The following JMJD7 variants were observed in gnomAD, a reference collection of about 807,000 sequenced individuals.
The protein encoded by JMJD7 is bifunctional peptidase and (3S)-lysyl hydroxylase JMJD7.
In JMJD7, 41 loss-of-function variants were observed where a neutral mutation model predicts 41.1. The observed-to-expected ratio is 1.00, with a 90% CI of 0.78 to 1.30. The LOEUF (loss-of-function observed/expected upper bound fraction) is 1.30. Ranked by LOEUF, JMJD7 falls within the 50% of genes most tolerant of loss-of-function variation. The pLI is 0.00. For missense variants in JMJD7, 480 were observed against 420.7 expected (o/e 1.14, Z -1.23); for synonymous variants, 202 against 177.2 (o/e 1.14, Z -1.11).
intron 1 of JMJD7, among the ~76,000 whole-genome samples, chr15:41,830,080 C>G (rs2065206609): frequency 6.6e-6 from 1 of 152,124 alleles, no homozygotes; most frequent in Non-Finnish European, 1.5e-5. Context: ...GTAGTGAGTC[C>G]CCTGTTCCCT....
chr15:41,832,151 C>T (rs557297474), intron 1 of JMJD7, among the ~76,000 whole-genome samples: 99 of 152,332 alleles, frequency 6.5e-4, no homozygotes, highest in African/African-American at 2.4e-3. Flanking sequence ...CCTGCCCCAC[C>T]GCAGCCCACA....
At chr15:41,829,177 G>A (rs2065189875) in intron 1 of JMJD7, 1 of 152,270 alleles carries the variant, frequency 6.6e-6, no homozygotes, top group Admixed American at 6.5e-5. Flanking sequence ...ACATTGTAGA[G>A]TAGAAGAAGT....
chr15:41,834,619 G>A, intron 1 of JMJD7, 121 bp from the exon 2 acceptor site: 6 of 1,434,256 alleles, frequency 4.2e-6, no homozygotes, highest in Non-Finnish European at 5.6e-6. Context: ...AGGGTCCTTT[G>A]GTCACCAACG....
At position 41,835,555 on chromosome 15, in the gene JMJD7, T is replaced by G. The variant is rs547585463; in HGVS notation, c.473-33T>G. The G allele has an allele frequency of 1.9e-6, 3 of 1,605,862 alleles. No individual in the cohort carries two copies. The African/African-American group carries it at 4.0e-5, about 21-fold the overall frequency. Reference sequence around the variant, plus strand: ...GATGGCAGCTTTCCCCAGCCTGGCCTTCCTAACTTGCTCTCTGCCTTCTGC... The same window carrying G: ...GATGGCAGCTTTCCCCAGCCTGGCCGTCCTAACTTGCTCTCTGCCTTCTGC... On this transcript the variant is annotated intron_variant, in intron 3 of 7. Transcript: ENST00000397299.
At chr15:41,828,501 G>A in intron 1 of JMJD7, 1 of 290,908 alleles carries the variant, frequency 3.4e-6, no homozygotes, top group Non-Finnish European at 6.3e-6. Flanking sequence ...CACAGCTGGT[G>A]GTCGGATTCC....
At chr15:41,828,366 G>C in intron 1 of JMJD7, 178 bp downstream of exon 1, 1 of 715,692 alleles carries the variant, frequency 1.4e-6, no homozygotes, top group Non-Finnish European at 2.0e-6. Context: ...GCGGCTTCCT[G>C]GGTGATTCTG....
Position 41,828,105 on chromosome 15 carries a change from C to G in JMJD7, c.-20C>G, listed in dbSNP as rs886547611. The G allele has an allele frequency of 1.4e-6, 2 of 1,430,632 alleles. No homozygotes were observed. Among genetic ancestry groups the G allele is most frequent in the Non-Finnish European group, 9.1e-7 (1 of 1,095,552 alleles). The allele number at this position is 1,430,632 out of a possible 1,614,324, so 88.6% of individuals were successfully genotyped here. On this transcript the variant is annotated 5_prime_UTR_variant, in exon 1 of 8. Transcript: ENST00000397299. ...GGGGCGTCGGGGAAAGGCGGGGTCTCGGCCGGCGCTGACGCAGCCATGGCG... is the reference window on the plus strand; with the variant it reads ...GGGGCGTCGGGGAAAGGCGGGGTCTGGGCCGGCGCTGACGCAGCCATGGCG...
At chr15:41,828,304 G>A in intron 1 of JMJD7, 116 bp downstream of exon 1, 1 of 1,284,968 alleles carries the variant, frequency 7.8e-7, no homozygotes. Flanking sequence ...GCCCCGCTCG[G>A]GTTGCTCTTC....
At chr15:41,836,708 C>T in intron 6 of JMJD7, 73 bp from the exon 7 acceptor site, 3 of 1,510,196 alleles carry the variant, frequency 2.0e-6, no homozygotes, top group Non-Finnish European at 2.7e-6. Context: ...GTGGTGTTGA[C>T]CTTTGGAAGG....
chr15:41,833,414 A>ATATTTTTTTTTTTT (rs1239528383), intron 1 of JMJD7, among the ~76,000 whole-genome samples: 1 of 32,012 alleles, frequency 3.1e-5, no homozygotes, highest in Non-Finnish European at 6.1e-5. Flanking sequence ...ATATATATAT[A>ATATTTTTTTTTTTT]TTTTTTTTTT....
At position 41,833,728 on chromosome 15, in the gene JMJD7, T is replaced by C. The variant is rs184407732; in HGVS notation, c.65-1012T>C. 2.0e-5 allele frequency among the ~76,000 whole-genome samples: 3 copies of C among 152,118 alleles called. No homozygotes were observed. In the East Asian group the frequency reaches 5.8e-4, roughly 29 times the overall value. On this transcript the variant is annotated intron_variant, in intron 1 of 7. Transcript: ENST00000397299. ...AGCCACCACGTCTAGCCCTAAAATA[T>C]ATAGCATGTCAGATGGTGATGAATG... is the stretch of plus-strand genomic sequence containing the variant.
chr15:41,835,298 T>C, intron 3 of JMJD7, 75 bp downstream of exon 3: 3 of 1,524,964 alleles, frequency 2.0e-6, no homozygotes, highest in Non-Finnish European at 2.6e-6. Flanking sequence ...TGTTTGCCCT[T>C]AGGTGATGAC....
Position 41,835,198 on chromosome 15 carries a change from T to C in JMJD7, c.447T>C (p.His149=). 1 of 1,600,740 alleles carries C rather than the reference T, an allele frequency of 6.2e-7. No individual in the cohort carries two copies. Among genetic ancestry groups the C allele is most frequent in the Non-Finnish European group, 8.5e-7 (1 of 1,179,844 alleles). ...LPQLLPDLES[H]VPWASEALGK... is the part of the protein sequence containing the mutation. ...AGCTGCTGCCTGATCTGGAATCCCATGTGCCCTGGGCCTCCGAAGCCCTGG... is the reference window on the plus strand; with the variant it reads ...AGCTGCTGCCTGATCTGGAATCCCACGTGCCCTGGGCCTCCGAAGCCCTGG... Residue 149 remains histidine, a synonymous_variant, in exon 3 of 8, where the codon CAT becomes CAC. Coordinates refer to ENST00000397299, the MANE Select transcript of JMJD7 (RefSeq NM_001114632.2).
intron 5 of JMJD7, 78 bp downstream of exon 5, chr15:41,836,321 C>T (rs1397575153): frequency 4.4e-6 from 7 of 1,580,190 alleles, no homozygotes; most frequent in Non-Finnish European, 6.1e-6. Context: ...GCCTGGGAGG[C>T]CAGTTCCCAG....
chr15:41,831,816 TC>T (rs1389723247), intron 1 of JMJD7, among the ~76,000 whole-genome samples: 1 of 152,154 alleles, frequency 6.6e-6, no homozygotes, highest in Middle Eastern at 3.2e-3. Flanking sequence ...ACCTCATTCT[TC>T]CTGGATGCAG....
Position 41,835,655 on chromosome 15 carries a change from G to T in JMJD7, c.529+11G>T. 6.2e-7 allele frequency: 1 copy of T among 1,612,610 alleles called. No individual in the cohort carries two copies. The highest frequency in any genetic ancestry group is 1.1e-5 in the South Asian group (1 of 90,852). On this transcript the variant is annotated intron_variant, in intron 4 of 7. Coordinates refer to ENST00000397299, the MANE Select transcript of JMJD7 (RefSeq NM_001114632.2). ...CTGCAGTGACTTCTTGTAGGTGTAA[G>T]GGGAATACAAAGGTGGGGAAGGAGC...
intron 1 of JMJD7, among the ~76,000 whole-genome samples, chr15:41,830,698 C>T (rs750751983): frequency 5.3e-5 from 8 of 152,242 alleles, no homozygotes; most frequent in Admixed American, 1.3e-4. Flanking sequence ...TTCCTGCTGC[C>T]GCAGGCTTGG....
At chr15:41,833,051 T>A (rs1233310748) in intron 1 of JMJD7, among the ~76,000 whole-genome samples, 2 of 152,178 alleles carry the variant, frequency 1.3e-5, no homozygotes, top group African/African-American at 4.8e-5. Context: ...GCAGGCAGCA[T>A]TCTCTAAGGA....
Position 41,835,069 on chromosome 15 carries a change from C to G in JMJD7, c.318C>G (p.Arg106=), listed in dbSNP as rs768369402. The G allele has an allele frequency of 1.2e-5, 19 of 1,613,738 alleles. No homozygotes were observed. The highest frequency in any genetic ancestry group is 2.7e-5 in the African/African-American group (2 of 74,950). ...GDRFMMPAER[R]LPLSFVLDVL... ...GCTTCATGATGCCAGCTGAGCGCCG[C>G]CTGCCCCTGAGCTTCGTGCTGGATG... The change falls in exon 3 of 8, where the codon CGC becomes CGG. Residue 106 remains arginine, a synonymous_variant. Coordinates refer to ENST00000397299, the MANE Select transcript of JMJD7 (RefSeq NM_001114632.2).
Sources: gnomAD v4.1 joint callset for allele counts (sites outside exome capture counted in the v4.1 genomes callset) on GRCh38, gnomAD v4.1.1 for gene constraint, MANE v1.5 for transcripts, NCBI Gene and HGNC (gene_info 2026-07-23, HGNC 2026-07-21) for gene names.